The following COL11A1 variants were observed in gnomAD, a reference collection of about 807,000 sequenced individuals.
COL11A1 encodes collagen type XI alpha 1 chain, also known as collagen alpha-1(XI) chain.
Under a neutral mutation model 265.2 loss-of-function variants are expected in COL11A1, and 74 were observed. The observed-to-expected ratio is 0.28, with a 90% CI of 0.23 to 0.34. COL11A1 has a LOEUF of 0.34. Among genes scored for constraint, COL11A1 ranks in the 10% least tolerant of loss-of-function variants. The pLI is 1.00. For synonymous variants in COL11A1, 816 were observed against 727.6 expected, an observed-to-expected ratio of 1.12 and a Z score of -1.96; for missense variants, 2,165 against 2,263.6, an observed-to-expected ratio of 0.96 and a Z score of 0.88.
chr1:102,925,482 T>C lies in COL11A1; in HGVS notation c.3601-2093A>G, dbSNP rs958447261. ...TATGAGGAAATCTTAGTTACTAATTTGTAACAAAAAATATGTACCAGAATT... is the reference window on the plus strand; with the variant it reads ...TATGAGGAAATCTTAGTTACTAATTCGTAACAAAAAATATGTACCAGAATT... On this transcript the variant is annotated intron_variant, in intron 46 of 66. Transcript: ENST00000370096. Among the ~76,000 whole-genome samples, 36 of 152,118 alleles carry C rather than the reference T, an allele frequency of 2.4e-4. 1 individual carries two copies. Among genetic ancestry groups the C allele is most frequent in the Admixed American group, 3.9e-4 (6 of 15,266 alleles).
chr1:102,979,519 A>G, intron 31 of COL11A1, 84 bp from the exon 32 acceptor site: 2 of 865,148 alleles, frequency 2.3e-6, no homozygotes, highest in Non-Finnish European at 3.9e-6. Flanking sequence ...GAACAGAGTG[A>G]TTTTCACACA....
chr1:102,949,099 C>T (rs1195379280), intron 41 of COL11A1, among the ~76,000 whole-genome samples: 4 of 152,006 alleles, frequency 2.6e-5, no homozygotes, highest in Admixed American at 6.6e-5. Context: ...AATAAAAGTG[C>T]TCCTTTTTTG....
chr1:103,032,420 A>T (rs1422961491), intron 4 of COL11A1, among the ~76,000 whole-genome samples: 1 of 152,076 alleles, frequency 6.6e-6, no homozygotes, highest in African/African-American at 2.4e-5. Context: ...TTATACACAA[A>T]ATATTGAACC....
At chr1:103,080,288 T>C (rs753239288) in intron 2 of COL11A1, among the ~76,000 whole-genome samples, 5 of 151,852 alleles carry the variant, frequency 3.3e-5, no homozygotes, top group Non-Finnish European at 7.4e-5. Context: ...GTCAGATCAT[T>C]TGGCTCAAAT....
At chr1:102,879,203 T>C (rs1013666149) in intron 66 of COL11A1, among the ~76,000 whole-genome samples, 2 of 152,082 alleles carry the variant, frequency 1.3e-5, no homozygotes, top group Non-Finnish European at 2.9e-5. Flanking sequence ...TTCTATAAGA[T>C]AGAGATAACA....
chr1:102,979,008 T>C, intron 33 of COL11A1, 52 bp downstream of exon 33: 1 of 1,609,194 alleles, frequency 6.2e-7, no homozygotes, highest in Non-Finnish European at 8.5e-7. Context: ...ATTATCTTGA[T>C]ACACTAAATT....
chr1:103,022,763 T>C lies in COL11A1; in HGVS notation c.1224A>G (p.Glu408=), dbSNP rs769561146. ...NEEFGPGVPA[E]TDITETSING... ...TTACGCTTGTTTCTGTAATATCAGTTTCTGCTGGTACACCTGGACCAAATT... is the reference window on the plus strand; with the variant it reads ...TTACGCTTGTTTCTGTAATATCAGTCTCTGCTGGTACACCTGGACCAAATT... The change falls in exon 8 of 67, where the codon GAA becomes GAG. Residue 408 remains glutamate, a synonymous_variant. Coordinates refer to ENST00000370096, the MANE Select transcript of COL11A1 (RefSeq NM_001854.4). The C allele has an allele frequency of 1.9e-6, 3 of 1,613,674 alleles. No individual in the cohort carries two copies. The highest frequency in any genetic ancestry group is 1.7e-4 in the Middle Eastern group (1 of 6,058).
At position 102,888,591 on chromosome 1, in the gene COL11A1, G is replaced by C. The variant is rs140954784; in HGVS notation, c.4594C>G (p.Pro1532Ala). 6.9e-4 allele frequency: 1,111 copies of C among 1,613,118 alleles called. 2 individuals carry two copies. The highest frequency in any genetic ancestry group is 9.2e-4 in the Non-Finnish European group (1,086 of 1,179,280). The change falls in exon 62 of 67, where the codon CCT (proline) becomes GCT (alanine). Residue 1532 changes from proline to alanine, a missense_variant. By Grantham distance (27) the Pro-to-Ala change is conservative. Transcript: ENST00000370096. Reference sequence around the variant, plus strand: ...CATATACTTACTGGAGACCCAGGAGGCCCTGGAAGACCACTGTCACCTTTC... The same window carrying C: ...CATATACTTACTGGAGACCCAGGAGCCCCTGGAAGACCACTGTCACCTTTC... ...GQKGDSGLPG[P>A]PGSPGPPGEV...
chr1:103,003,045 GA>G (rs2101834637), intron 21 of COL11A1, among the ~76,000 whole-genome samples, 169 bp downstream of exon 21: 1 of 152,240 alleles, frequency 6.6e-6, no homozygotes, highest in East Asian at 1.9e-4. Context: ...TCAAAAGGAA[GA>G]TAGAAGAAAA....
At chr1:103,017,781 A>T in intron 11 of COL11A1, 39 bp downstream of exon 11, 1 of 1,509,264 alleles carries the variant, frequency 6.6e-7, no homozygotes, top group Non-Finnish European at 9.2e-7. Context: ...AGTCTGTATG[A>T]CATGCATTTG....
At chr1:103,030,576 A>G (rs913386477) in intron 5 of COL11A1, among the ~76,000 whole-genome samples, 1 of 152,036 alleles carries the variant, frequency 6.6e-6, no homozygotes, top group Non-Finnish European at 1.5e-5. Context: ...AAATCCAAAA[A>G]TATAGTTTTG....
In COL11A1 at chr1:103,108,078, C is replaced by A. The variant is rs1407144872; in HGVS notation, c.101G>T (p.Arg34Ile). The change falls in exon 1 of 67, where the codon AGA becomes ATA. Residue 34 changes from arginine to isoleucine, a missense_variant. Physicochemically the swap from Arg to Ile is moderately conservative, Grantham distance 97 (BLOSUM62 -3). Coordinates refer to ENST00000370096, the MANE Select transcript of COL11A1 (RefSeq NM_001854.4). ...CCAAATCCATTTTTTCTTACCTCCTCTGACCTCTCTAGCTTGGAAGAGGAA... is the reference window on the plus strand; with the variant it reads ...CCAAATCCATTTTTTCTTACCTCCTATGACCTCTCTAGCTTGGAAGAGGAA... ...LTFLFQAREVRGAAPVDVLKA... is the reference protein window; with the variant it reads ...LTFLFQAREVIGAAPVDVLKA... 2 of 1,613,374 alleles carry A rather than the reference C, an allele frequency of 1.2e-6. No homozygotes were observed. Among genetic ancestry groups the A allele is most frequent in the Non-Finnish European group, 1.7e-6 (2 of 1,179,690 alleles).
At chr1:102,960,803 A>AT (rs144715527) in intron 41 of COL11A1, among the ~76,000 whole-genome samples, 4,483 of 152,160 alleles carry the variant, frequency 0.029, 252 homozygotes, top group African/African-American at 0.1. Flanking sequence ...GCTGGCTAGG[A>AT]TAAGGAGCTT....
At chr1:102,932,546 T>C (rs1657600924) in intron 46 of COL11A1, among the ~76,000 whole-genome samples, 1 of 152,162 alleles carries the variant, frequency 6.6e-6, no homozygotes, top group African/African-American at 2.4e-5. Context: ...ATTTCAACTT[T>C]GGTGAATCTG....
rs767333205 is a variant in COL11A1, at chr1:103,082,860, A to G, written c.219T>C (p.Ala73=). Residue 73 remains alanine (A), a synonymous_variant, in exon 2 of 67, where the codon GCT becomes GCC. Coordinates refer to ENST00000370096, the MANE Select transcript of COL11A1 (RefSeq NM_001854.4). ...NRKNSKGSDT[A]YRVSKQAQLS... is the part of the protein sequence containing the mutation. The stretch of plus-strand genomic sequence containing the variant: ...GTTGTGCTTGCTTTGAAACTCTGTA[A>G]GCAGTATCTGAGCCTTTAGAATTCT... 4.3e-6 allele frequency: 7 copies of G among 1,613,730 alleles called. No homozygotes were observed. In the East Asian group the frequency reaches 1.3e-4, roughly 31 times the overall value.
chr1:103,100,991 C>T (rs912391733), intron 1 of COL11A1, among the ~76,000 whole-genome samples: 1 of 151,942 alleles, frequency 6.6e-6, no homozygotes, highest in Admixed American at 6.6e-5. Context: ...TATTAGGGCT[C>T]ACCTGGAGAT....
At chr1:102,994,292 G>C (rs560287740) in intron 28 of COL11A1, among the ~76,000 whole-genome samples, 1 of 152,102 alleles carries the variant, frequency 6.6e-6, no homozygotes, top group Non-Finnish European at 1.5e-5. Context: ...GGGACCTGGT[G>C]GGGGGTGATA....
chr1:102,890,340 A>G lies in COL11A1; in HGVS notation c.4356+111T>C, dbSNP rs960173843. Reference sequence around the variant, plus strand: ...GGATTGAAGCTTTTTTCAGGGTTAGAATGAAGATATTGTTTGAAATTTTCT... The same window carrying G: ...GGATTGAAGCTTTTTTCAGGGTTAGGATGAAGATATTGTTTGAAATTTTCT... On this transcript the variant is annotated intron_variant, in intron 58 of 66. Coordinates refer to ENST00000370096, the MANE Select transcript of COL11A1 (RefSeq NM_001854.4). 3 of 976,094 alleles carry G rather than the reference A, an allele frequency of 3.1e-6. No homozygotes were observed. The Admixed American group carries it at 7.2e-5, about 23-fold the overall frequency. 60.5% of individuals were successfully genotyped at this position (976,094 alleles called of 1,614,324 possible). A position where few individuals can be genotyped will look rare whatever the true frequency, so the allele number is the denominator to read the frequency against.
intron 31 of COL11A1, among the ~76,000 whole-genome samples, chr1:102,983,715 C>A (rs1490238925): frequency 6.6e-6 from 1 of 151,532 alleles, no homozygotes; most frequent in Non-Finnish European, 1.5e-5. Context: ...GTCATAGCAA[C>A]CCTGGAAAAA....
Sources: allele counts gnomAD v4.1 joint callset (sites outside exome capture counted in the v4.1 genomes callset), GRCh38; gene constraint gnomAD v4.1.1; transcripts MANE v1.5; gene names NCBI Gene and HGNC (gene_info 2026-07-23, HGNC 2026-07-21).